NUMB: variants seen among roughly 807,000 people sequenced by gnomAD.
NUMB encodes the protein protein numb homolog.
NUMB carries 29 observed loss-of-function variants against 59.7 expected under a neutral mutation model. The observed-to-expected ratio is 0.49, with a 90% CI of 0.36 to 0.66. The LOEUF is 0.66. Among genes scored for constraint, NUMB ranks in the 30% least tolerant of loss-of-function variants. The pLI is 0.00. For missense variants in NUMB, 723 were observed against 822.0 expected, an observed-to-expected ratio of 0.88 and a Z score of 1.47; for synonymous variants, 288 against 288.2, an observed-to-expected ratio of 1.00 and a Z score of 0.01.
At chr14:73,343,296 G>C (rs548783067) in intron 4 of NUMB, among the ~76,000 whole-genome samples, 2 of 152,244 alleles carry the variant, frequency 1.3e-5, no homozygotes, top group African/African-American at 4.8e-5. Context: ...GGAAGCAAGA[G>C]TAGTAGAGTT....
intron 1 of NUMB, among the ~76,000 whole-genome samples, chr14:73,421,651 A>G (rs559462478): frequency 6.6e-6 from 1 of 152,238 alleles, no homozygotes; most frequent in Admixed American, 6.5e-5. Flanking sequence ...ATCAAATACC[A>G]TAAGGGGCAA....
chr14:73,397,784 T>C, intron 2 of NUMB, among the ~76,000 whole-genome samples: 1 of 152,240 alleles, frequency 6.6e-6, no homozygotes, highest in East Asian at 1.9e-4. Flanking sequence ...TTCATATATG[T>C]GTCTATAAAG....
At chr14:73,339,233 C>A (rs1321077387) in intron 4 of NUMB, among the ~76,000 whole-genome samples, 1 of 152,138 alleles carries the variant, frequency 6.6e-6, no homozygotes, top group Non-Finnish European at 1.5e-5. Context: ...ATAAGGAATA[C>A]TGTAGCATGT....
intron 3 of NUMB, among the ~76,000 whole-genome samples, chr14:73,364,840 G>T (rs1314656556): frequency 6.6e-6 from 1 of 152,058 alleles, no homozygotes; most frequent in Non-Finnish European, 1.5e-5. Flanking sequence ...GTCTTGCTAT[G>T]TTGCCCAGGC....
At chr14:73,290,424 CAG>C (rs1290762887) in intron 8 of NUMB, among the ~76,000 whole-genome samples, 2 of 152,174 alleles carry the variant, frequency 1.3e-5, no homozygotes, top group Non-Finnish European at 2.9e-5. Flanking sequence ...TATACCAAGA[CAG>C]AGAATGTTAA....
intron 4 of NUMB, among the ~76,000 whole-genome samples, chr14:73,347,207 A>G (rs1373929564): frequency 6.6e-6 from 1 of 151,648 alleles, no homozygotes. Context: ...CCCACCCCAC[A>G]CTCACATGTT....
chr14:73,370,896 A>G (rs181434546), intron 2 of NUMB, among the ~76,000 whole-genome samples: 109 of 152,372 alleles, frequency 7.2e-4, no homozygotes, highest in African/African-American at 2.5e-3. Flanking sequence ...ATATAATTTC[A>G]AATTTAAAGA....
chr14:73,443,063 T>C (rs1883183455), intron 1 of NUMB, among the ~76,000 whole-genome samples: 1 of 152,096 alleles, frequency 6.6e-6, no homozygotes, highest in Non-Finnish European at 1.5e-5. Flanking sequence ...AGTTTCACCA[T>C]GATGACCAGA....
At chr14:73,349,504 G>A (rs1395021097) in intron 4 of NUMB, among the ~76,000 whole-genome samples, 3 of 150,960 alleles carry the variant, frequency 2.0e-5, no homozygotes, top group Admixed American at 6.6e-5. Context: ...AACCTGGGAC[G>A]CAGAGGCTGC....
chr14:73,446,482 T>C (rs985367246), intron 1 of NUMB, among the ~76,000 whole-genome samples: 1 of 151,844 alleles, frequency 6.6e-6, no homozygotes, highest in Non-Finnish European at 1.5e-5. Context: ...TGGCACACCC[T>C]GTAATCCCAG....
intron 2 of NUMB, among the ~76,000 whole-genome samples, chr14:73,370,605 T>C (rs1894617957): frequency 6.6e-6 from 1 of 152,130 alleles, no homozygotes; most frequent in South Asian, 2.1e-4. Context: ...GGCAGGAGAA[T>C]TGCTTGAACC....
rs541537007 is a variant in NUMB, at chr14:73,306,927, T to G, written c.234+9463A>C. 3.3e-5 allele frequency among the ~76,000 whole-genome samples: 5 copies of G among 152,288 alleles called. No homozygotes were observed. The South Asian group carries it at 6.2e-4, about 19-fold the overall frequency. On this transcript the variant is annotated intron_variant, in intron 6 of 12. Transcript: ENST00000555238. ...AGTAAACAAAACAGGTGGAGATCAC[T>G]GTCCTCACAGAGCTTACATTTCAGT...
chr14:73,414,524 C>A (rs1446795320), intron 1 of NUMB, among the ~76,000 whole-genome samples: 1 of 152,050 alleles, frequency 6.6e-6, no homozygotes, highest in African/African-American at 2.4e-5. Flanking sequence ...ACCTGAGTAG[C>A]TGGGACTACA....
chr14:73,324,986 T>C (rs1349939220), intron 4 of NUMB, among the ~76,000 whole-genome samples: 1 of 152,220 alleles, frequency 6.6e-6, no homozygotes, highest in Non-Finnish European at 1.5e-5. Context: ...CTGAAAATGC[T>C]TGCTACTGCC....
At chr14:73,339,058 C>A (rs1892497624) in intron 4 of NUMB, among the ~76,000 whole-genome samples, 1 of 152,162 alleles carries the variant, frequency 6.6e-6, no homozygotes, top group Admixed American at 6.5e-5. Context: ...GTATCTTACC[C>A]ACTGCAATTC....
chr14:73,437,602 A>G (rs573029968), intron 1 of NUMB, among the ~76,000 whole-genome samples: 2 of 152,370 alleles, frequency 1.3e-5, no homozygotes, highest in South Asian at 2.1e-4. Context: ...ATAAAAAAGA[A>G]TGTATTACTG....
chr14:73,343,122 C>T (rs1275535295), intron 4 of NUMB, among the ~76,000 whole-genome samples: 1 of 152,026 alleles, frequency 6.6e-6, no homozygotes, highest in African/African-American at 2.4e-5. Context: ...AGCCTCTGTG[C>T]CTGACCACAA....
At chr14:73,390,850 T>C (rs1003800628) in intron 2 of NUMB, among the ~76,000 whole-genome samples, 2 of 151,722 alleles carry the variant, frequency 1.3e-5, no homozygotes, top group Admixed American at 6.6e-5. Flanking sequence ...GGTTTCACCA[T>C]GTTAGTCAAG....
At chr14:73,296,310 G>T (rs962786328) in intron 7 of NUMB, among the ~76,000 whole-genome samples, 5 of 152,036 alleles carry the variant, frequency 3.3e-5, no homozygotes, top group Admixed American at 2.6e-4. Flanking sequence ...GGGCATGGTG[G>T]TCTGTGTTTG....
Sources: allele counts gnomAD v4.1 joint callset (sites outside exome capture counted in the v4.1 genomes callset), GRCh38; gene constraint gnomAD v4.1.1; transcripts MANE v1.5; gene names NCBI Gene and HGNC (gene_info 2026-07-23, HGNC 2026-07-21).